Variants in GPM6A observed in about 807,000 individuals in gnomAD.
GPM6A encodes the protein glycoprotein M6A.
Under a neutral mutation model 32.1 loss-of-function variants are expected in GPM6A, and 7 were observed. The ratio of observed to expected loss-of-function variants is 0.22; its 90% CI spans 0.12 to 0.41. The LOEUF is 0.41. GPM6A is among the 10% of genes least tolerant of loss of function. GPM6A has a pLI of 1.00. For missense variants in GPM6A, 235 were observed against 347.2 expected, an observed-to-expected ratio of 0.68 and a Z score of 2.57; for synonymous variants, 130 against 123.4, an observed-to-expected ratio of 1.05 and a Z score of -0.35.
intron 1 of GPM6A, among the ~76,000 whole-genome samples, chr4:175,819,952 CAGTTT>C (rs1273063570): frequency 1.3e-5 from 2 of 152,154 alleles, no homozygotes; most frequent in African/African-American, 4.8e-5. Context: ...TATTAATACT[CAGTTT>C]AAACAGCAAT....
At chr4:175,820,583 C>T (rs748856574) in intron 1 of GPM6A, among the ~76,000 whole-genome samples, 18 of 136,796 alleles carry the variant, frequency 1.3e-4, no homozygotes, top group Non-Finnish European at 2.4e-4. Context: ...TCACTGCAAC[C>T]TCCCCTTCCC....
intron 3 of GPM6A, among the ~76,000 whole-genome samples, chr4:175,656,983 C>T (rs1742119546): frequency 6.6e-6 from 1 of 152,144 alleles, no homozygotes; most frequent in Admixed American, 6.5e-5. Context: ...AATGGATGTT[C>T]TGATGTATCC....
intron 6 of GPM6A, 140 bp downstream of exon 6, chr4:175,639,989 G>T (rs1445367866): frequency 1.3e-6 from 1 of 751,862 alleles, no homozygotes; most frequent in Non-Finnish European, 2.4e-6. Context: ...CTTACCCATT[G>T]TTTTCCCTAC....
intron 1 of GPM6A, among the ~76,000 whole-genome samples, chr4:175,798,051 GC>G (rs1370858197): frequency 1.3e-5 from 2 of 152,150 alleles, no homozygotes; most frequent in Non-Finnish European, 2.9e-5. Context: ...GAAATGAAGT[GC>G]CGTAATCATC....
intron 1 of GPM6A, among the ~76,000 whole-genome samples, chr4:175,843,302 T>C (rs1482782019): frequency 6.6e-6 from 1 of 152,224 alleles, no homozygotes; most frequent in African/African-American, 2.4e-5. Context: ...TTCTCCAATA[T>C]AAATGTCTTT....
intron 1 of GPM6A, among the ~76,000 whole-genome samples, chr4:175,846,449 T>G (rs551941641): frequency 4.3e-4 from 66 of 152,244 alleles, no homozygotes; most frequent in Admixed American, 6.5e-4. Flanking sequence ...CCAGAGTCAC[T>G]GGCTAATTTA....
chr4:175,915,406 C>T (rs112252731), intron 1 of GPM6A, among the ~76,000 whole-genome samples: 1,628 of 152,064 alleles, frequency 0.011, 32 homozygotes, highest in African/African-American at 0.037. Context: ...CCTGCCTCAG[C>T]CTCCTGAGTA....
At chr4:175,828,578 G>A (rs2111362378) in intron 1 of GPM6A, among the ~76,000 whole-genome samples, 1 of 152,192 alleles carries the variant, frequency 6.6e-6, no homozygotes, top group East Asian at 1.9e-4. Flanking sequence ...ATCCCCTAAT[G>A]CAAAGAGTTT....
chr4:175,656,265 T>C (rs1348882276), intron 3 of GPM6A, among the ~76,000 whole-genome samples: 2 of 152,120 alleles, frequency 1.3e-5, no homozygotes, highest in Non-Finnish European at 2.9e-5. Context: ...GATTGGGTGC[T>C]ATATATTTAA....
chr4:175,884,053 T>C (rs1398827740), intron 1 of GPM6A, among the ~76,000 whole-genome samples: 1 of 152,198 alleles, frequency 6.6e-6, no homozygotes, highest in African/African-American at 2.4e-5. Flanking sequence ...AATAAGCTTT[T>C]CCTTTTCCTT....
intron 1 of GPM6A, among the ~76,000 whole-genome samples, chr4:175,880,464 A>G (rs1324666175): frequency 6.6e-6 from 1 of 152,182 alleles, no homozygotes; most frequent in Non-Finnish European, 1.5e-5. Context: ...TTGAATCTAT[A>G]AATTATCTTG....
chr4:176,002,195 A>G (rs1741506672), intron 1 of GPM6A: 2 of 1,164,264 alleles, frequency 1.7e-6, no homozygotes, highest in African/African-American at 1.5e-5. Flanking sequence ...CGCGGGGGGA[A>G]CAGAGCTGGG....
chr4:175,901,627 T>C (rs1737969628), intron 1 of GPM6A, among the ~76,000 whole-genome samples: 1 of 32,386 alleles, frequency 3.1e-5, no homozygotes, highest in South Asian at 2.0e-3. Flanking sequence ...TTTTTCTTTT[T>C]CTTTTTTTTT....
intron 2 of GPM6A, among the ~76,000 whole-genome samples, chr4:175,690,813 T>C (rs1414443759): frequency 6.6e-6 from 1 of 152,158 alleles, no homozygotes; most frequent in Non-Finnish European, 1.5e-5. Context: ...AGGTAACATA[T>C]GATGTTACAA....
chr4:175,739,924 G>A (rs1462650170), intron 1 of GPM6A, among the ~76,000 whole-genome samples: 1 of 151,810 alleles, frequency 6.6e-6, no homozygotes, highest in Non-Finnish European at 1.5e-5. Flanking sequence ...TTCCACAAAA[G>A]TGAAAATTAC....
chr4:175,995,318 A>C (rs924984947), intron 1 of GPM6A, among the ~76,000 whole-genome samples: 1 of 149,186 alleles, frequency 6.7e-6, no homozygotes, highest in African/African-American at 2.5e-5. Flanking sequence ...CTTGTGAGAT[A>C]TAGTTCTTAA....
chr4:175,858,329 T>C (rs1736475490), intron 1 of GPM6A, among the ~76,000 whole-genome samples: 1 of 151,992 alleles, frequency 6.6e-6, no homozygotes, highest in African/African-American at 2.4e-5. Context: ...GTCAGGAGTT[T>C]GACACCAGCT....
At chr4:175,801,436 A>G (rs1221922279) in intron 1 of GPM6A, among the ~76,000 whole-genome samples, 1 of 152,074 alleles carries the variant, frequency 6.6e-6, no homozygotes, top group Non-Finnish European at 1.5e-5. Flanking sequence ...ACGTGGTTCA[A>G]ACTAATATAT....
chr4:175,894,022 G>C (rs1737722625), intron 1 of GPM6A, among the ~76,000 whole-genome samples: 1 of 152,066 alleles, frequency 6.6e-6, no homozygotes, highest in Non-Finnish European at 1.5e-5. Context: ...AAAAAAGACA[G>C]AGATTAAAAA....
Sources: gnomAD v4.1 joint callset for allele counts (sites outside exome capture counted in the v4.1 genomes callset) on GRCh38, gnomAD v4.1.1 for gene constraint, MANE v1.5 for transcripts, NCBI Gene and HGNC (gene_info 2026-07-23, HGNC 2026-07-21) for gene names.